The following PXDNL variants were observed in gnomAD, a reference collection of about 807,000 sequenced individuals.
The protein encoded by PXDNL is peroxidasin like.
A neutral mutation model predicts 150.8 loss-of-function variants in PXDNL; 145 were observed. That is an observed-to-expected ratio of 0.96 (90% CI 0.84 to 1.10). PXDNL has a LOEUF of 1.10. Ranked by LOEUF, PXDNL falls within the 50% of genes least tolerant of loss-of-function variation. The pLI is 0.00. For synonymous variants in PXDNL, 757 were observed against 725.7 expected (o/e 1.04, Z -0.69); for missense variants, 2,087 against 1,873.9 (o/e 1.11, Z -2.10).
At chr8:51,443,305 TG>T (rs1563414238) in intron 12 of PXDNL, among the ~76,000 whole-genome samples, 38 of 152,068 alleles carry the variant, frequency 2.5e-4, no homozygotes, top group African/African-American at 8.9e-4. Flanking sequence ...CAAAAACACA[TG>T]AGGGATATGA....
At chr8:51,597,900 G>C (rs1221681117) in intron 2 of PXDNL, among the ~76,000 whole-genome samples, 2 of 152,002 alleles carry the variant, frequency 1.3e-5, no homozygotes, top group East Asian at 3.9e-4. Context: ...TTCTAGCAGA[G>C]AAGGGATTTC....
intron 22 of PXDNL, 130 bp from the exon 23 acceptor site, chr8:51,320,152 T>A (rs1805274985): frequency 6.3e-6 from 5 of 792,314 alleles, no homozygotes; most frequent in Non-Finnish European, 8.7e-6. Flanking sequence ...ATGCTCATAG[T>A]ATGAGCTCAT....
At chr8:51,363,808 T>G (rs1051776421) in intron 19 of PXDNL, among the ~76,000 whole-genome samples, 33 of 152,256 alleles carry the variant, frequency 2.2e-4, no homozygotes, top group African/African-American at 7.9e-4. Flanking sequence ...TGTTTTCTGG[T>G]TGTATAAAAG....
At position 51,654,688 on chromosome 8, in the gene PXDNL, C is replaced by T. The variant is rs778794367; in HGVS notation, c.236+1G>A. On this transcript the variant is annotated splice_donor_variant, in intron 2 of 22. Coordinates refer to ENST00000356297, the MANE Select transcript of PXDNL (RefSeq NM_144651.5). LOFTEE classifies it high-confidence loss of function. Reference sequence around the variant, plus strand: ...CTTACAGATAAGCAATAAGTACTCACAGTGTGTTCAAATTCTTGAGTTTCT... The same window carrying T: ...CTTACAGATAAGCAATAAGTACTCATAGTGTGTTCAAATTCTTGAGTTTCT... 3.1e-6 allele frequency: 5 copies of T among 1,610,030 alleles called. No individual in the cohort carries two copies. Among genetic ancestry groups the T allele is most frequent in the Non-Finnish European group, 4.2e-6 (5 of 1,176,734 alleles).
intron 2 of PXDNL, among the ~76,000 whole-genome samples, chr8:51,620,856 T>C (rs1303793437): frequency 6.6e-6 from 1 of 152,214 alleles, no homozygotes; most frequent in Non-Finnish European, 1.5e-5. Context: ...TTAAATACTT[T>C]TATTGTTACA....
intron 12 of PXDNL, among the ~76,000 whole-genome samples, chr8:51,444,724 T>C (rs530354259): frequency 6.6e-6 from 1 of 152,254 alleles, no homozygotes; most frequent in African/African-American, 2.4e-5. Context: ...ATCTCAGAGA[T>C]AAAATGATTC....
intron 19 of PXDNL, among the ~76,000 whole-genome samples, chr8:51,357,448 A>G (rs377511457): frequency 1.1e-3 from 174 of 152,354 alleles, no homozygotes; most frequent in African/African-American, 3.8e-3. Flanking sequence ...AAGTAATTAT[A>G]CAGAGAATAT....
intron 1 of PXDNL, among the ~76,000 whole-genome samples, chr8:51,696,679 C>A (rs375178146): frequency 0.011 from 43 of 3,872 alleles, no homozygotes; most frequent in South Asian, 0.02. Flanking sequence ...CCACACACAT[C>A]CACACACACA....
chr8:51,320,898 C>G lies in PXDNL; in HGVS notation c.4147-1G>C, dbSNP rs1370941587. 6.2e-7 allele frequency: 1 copy of G among 1,608,100 alleles called. No individual in the cohort carries two copies. The highest frequency in any genetic ancestry group is 2.2e-5 in the East Asian group (1 of 44,856). ...TCAGGCGTGCCTCCAGCTTGTTTAT[C>G]TGAAAGGGGAGGCAAAGGAAAGAAG... is the stretch of plus-strand genomic sequence containing the variant. On this transcript the variant is annotated splice_acceptor_variant, in intron 21 of 22. Coordinates refer to ENST00000356297, the MANE Select transcript of PXDNL (RefSeq NM_144651.5). LOFTEE classifies it high-confidence loss of function.
chr8:51,662,838 C>CA (rs1815304343), intron 1 of PXDNL, among the ~76,000 whole-genome samples: 1 of 152,186 alleles, frequency 6.6e-6, no homozygotes, highest in Admixed American at 6.5e-5. Context: ...AGGTCAGCAG[C>CA]AAGGGAGCAC....
chr8:51,377,445 C>T (rs938060254), intron 17 of PXDNL, among the ~76,000 whole-genome samples: 15 of 152,288 alleles, frequency 9.8e-5, no homozygotes, highest in East Asian at 3.9e-4. Flanking sequence ...AGCCCGCCGC[C>T]GCACTGTGGG....
intron 21 of PXDNL, among the ~76,000 whole-genome samples, chr8:51,330,153 A>T (rs1805640342): frequency 6.6e-6 from 1 of 152,228 alleles, no homozygotes; most frequent in Non-Finnish European, 1.5e-5. Context: ...CCACCAATTC[A>T]AATGCTAATC....
chr8:51,401,948 T>C (rs556987147), intron 17 of PXDNL, among the ~76,000 whole-genome samples: 1 of 152,178 alleles, frequency 6.6e-6, no homozygotes, highest in Admixed American at 6.6e-5. Context: ...TGAAAGTTGA[T>C]AAATATTTAG....
At position 51,413,378 on chromosome 8, in the gene PXDNL, A is replaced by G. The variant is rs572854609; in HGVS notation, c.1796-120T>C. ...CATTACATTTAAAACCTCTAAGACAATGAAAATGTTATACAATATCTACAT... is the reference window on the plus strand; with the variant it reads ...CATTACATTTAAAACCTCTAAGACAGTGAAAATGTTATACAATATCTACAT... On this transcript the variant is annotated intron_variant, in intron 14 of 22. Transcript: ENST00000356297. 8.4e-5 allele frequency: 52 copies of G among 620,192 alleles called. No homozygotes were observed. The African/African-American group carries it at 8.5e-4, about 10-fold the overall frequency. 38.4% of individuals were successfully genotyped at this position (620,192 alleles called of 1,614,324 possible).
chr8:51,325,006 C>T (rs1398790026), intron 21 of PXDNL, among the ~76,000 whole-genome samples: 1 of 152,160 alleles, frequency 6.6e-6, no homozygotes, highest in Admixed American at 6.5e-5. Flanking sequence ...GCTAGGATTA[C>T]AGGCATGCAC....
chr8:51,743,908 A>AAAGGAAGGAAGGAAGG (rs61300692), intron 1 of PXDNL, among the ~76,000 whole-genome samples: 4,106 of 66,942 alleles, frequency 0.061, 446 homozygotes, highest in African/African-American at 0.12. Context: ...GCTGAGAGAG[A>AAAGGAAGGAAGGAAGG]AAGGAAGGAA....
intron 1 of PXDNL, among the ~76,000 whole-genome samples, chr8:51,745,395 T>G (rs1340452308): frequency 6.6e-6 from 1 of 152,208 alleles, no homozygotes; most frequent in East Asian, 1.9e-4. Context: ...ACCCTGATTC[T>G]GTTAGTCCAG....
rs138218025 is a variant in PXDNL, at chr8:51,659,623, G to T, written c.165-4863C>A. On this transcript the variant is annotated intron_variant, in intron 1 of 22. Transcript: ENST00000356297. ...GTCCCCGAGTTAACAGTGCACACCA[G>T]ACTCACCTCACAGCCCATTATGCCT... Among the ~76,000 whole-genome samples, 423 of 152,204 alleles carry T rather than the reference G, an allele frequency of 2.8e-3. 1 individual carries two copies. Among genetic ancestry groups the T allele is most frequent in the Non-Finnish European group, 5.1e-3 (345 of 68,024 alleles).
At chr8:51,741,295 T>C (rs1204274481) in intron 1 of PXDNL, among the ~76,000 whole-genome samples, 1 of 152,214 alleles carries the variant, frequency 6.6e-6, no homozygotes, top group Non-Finnish European at 1.5e-5. Context: ...ACAATTAGTG[T>C]GTAGAAGTCT....
Sources: allele counts gnomAD v4.1 joint callset (sites outside exome capture counted in the v4.1 genomes callset), GRCh38; gene constraint gnomAD v4.1.1; transcripts MANE v1.5; gene names NCBI Gene and HGNC (gene_info 2026-07-23, HGNC 2026-07-21).